Variants in LINGO2 observed in about 807,000 individuals in gnomAD.
The protein encoded by LINGO2 is leucine rich repeat and Ig domain containing 2.
In LINGO2, 14 loss-of-function variants were observed where a neutral mutation model predicts 30.6. That is an observed-to-expected ratio of 0.46 (90% CI 0.30 to 0.72). LINGO2 has a LOEUF of 0.72. Among genes scored for constraint, LINGO2 ranks in the 30% least tolerant of loss-of-function variants. LINGO2 has a pLI of 0.07. For synonymous variants in LINGO2, 317 were observed against 288.5 expected (o/e 1.10, Z -1.00); for missense variants, 729 against 751.7 (o/e 0.97, Z 0.35).
chr9:29,094,960 C>T, the LINGO2 span, among the ~76,000 whole-genome samples: 1 of 137,406 alleles, frequency 7.3e-6, no homozygotes, highest in African/African-American at 2.7e-5. Context: ...GAAATTCATA[C>T]ATTTTCATTA....
intron 5 of LINGO2, among the ~76,000 whole-genome samples, chr9:28,004,208 A>G (rs1197922): frequency 0.51 from 77,295 of 151,966 alleles, 20,899 homozygotes; most frequent in Non-Finnish European, 0.59. Flanking sequence ...TATAATAACA[A>G]TTAATCATTT....
intron 1 of LINGO2, among the ~76,000 whole-genome samples, chr9:28,484,816 G>A (rs1215069292): frequency 6.6e-6 from 1 of 152,106 alleles, no homozygotes; most frequent in Non-Finnish European, 1.5e-5. Context: ...GTCTGCTGGT[G>A]TTACAAAGTA....
chr9:29,037,230 A>G, the LINGO2 span, among the ~76,000 whole-genome samples: 1 of 151,656 alleles, frequency 6.6e-6, no homozygotes, highest in Non-Finnish European at 1.5e-5. Flanking sequence ...TAATGATGAG[A>G]CTCCTTAATA....
intron 2 of LINGO2, among the ~76,000 whole-genome samples, chr9:28,379,305 A>G (rs148578785): frequency 5.1e-4 from 77 of 152,168 alleles, no homozygotes; most frequent in African/African-American, 1.1e-3. Context: ...TGTGTGTTTG[A>G]TGGGGCCCTA....
At chr9:28,800,050 G>T in the LINGO2 span, among the ~76,000 whole-genome samples, 7 of 151,892 alleles carry the variant, frequency 4.6e-5, no homozygotes, top group African/African-American at 1.7e-4. Context: ...AAGATTCTAT[G>T]GTATTTGACA....
chr9:28,343,736 T>G (rs571313718), intron 3 of LINGO2, among the ~76,000 whole-genome samples: 64 of 152,202 alleles, frequency 4.2e-4, no homozygotes, highest in African/African-American at 1.1e-3. Context: ...GGGAAAAAAT[T>G]TGGGCCCACC....
intron 4 of LINGO2, among the ~76,000 whole-genome samples, chr9:28,238,969 A>G (rs1821679829): frequency 6.6e-6 from 1 of 152,060 alleles, no homozygotes; most frequent in Non-Finnish European, 1.5e-5. Flanking sequence ...ATTACAATGG[A>G]TGCCACAGAA....
At chr9:28,371,272 C>A (rs1820885258) in intron 3 of LINGO2, among the ~76,000 whole-genome samples, 1 of 152,160 alleles carries the variant, frequency 6.6e-6, no homozygotes, top group Admixed American at 6.5e-5. Context: ...ATAACGAGAA[C>A]ACTAGTGTTT....
chr9:28,531,694 C>T (rs558592319), intron 1 of LINGO2, among the ~76,000 whole-genome samples: 5 of 152,024 alleles, frequency 3.3e-5, no homozygotes, highest in East Asian at 1.9e-4. Flanking sequence ...TTTCCAAATA[C>T]GTATTCACTT....
upstream of LINGO2, among the ~76,000 whole-genome samples, chr9:28,672,323 T>C (rs926124570): frequency 1.3e-5 from 2 of 152,194 alleles, no homozygotes; most frequent in African/African-American, 4.8e-5. Context: ...CAATGCCTGG[T>C]TGTTTTCTAA....
the LINGO2 span, among the ~76,000 whole-genome samples, chr9:29,100,912 A>G: frequency 6.6e-6 from 1 of 152,188 alleles, no homozygotes; most frequent in Non-Finnish European, 1.5e-5. Context: ...GAAACTGCGG[A>G]GAAAAAAAGG....
the LINGO2 span, among the ~76,000 whole-genome samples, chr9:29,071,730 G>C: frequency 0.17 from 24,962 of 151,134 alleles, 2,180 homozygotes; most frequent in East Asian, 0.34. Context: ...ATATTGGAGA[G>C]ATGGACATCA....
At chr9:29,158,497 G>A in the LINGO2 span, among the ~76,000 whole-genome samples, 15 of 152,194 alleles carry the variant, frequency 9.9e-5, no homozygotes, top group South Asian at 3.1e-3. Context: ...TGGAGAAAAG[G>A]TCTGAGTAGA....
At chr9:28,730,010 G>A in the LINGO2 span, among the ~76,000 whole-genome samples, 1 of 151,942 alleles carries the variant, frequency 6.6e-6, no homozygotes, top group African/African-American at 2.4e-5. Flanking sequence ...AATAGCAACA[G>A]TAGATGTAGA....
Position 28,114,123 on chromosome 9 carries a change from G to T in LINGO2, c.-86-101718C>A, listed in dbSNP as rs1452630362. Among the ~76,000 whole-genome samples the T allele has an allele frequency of 2.0e-3, 123 of 60,984 alleles. 31 individuals are homozygous for T. The South Asian group carries it at 0.083, about 41-fold the overall frequency. The allele number at this position is 60,984 out of a possible 152,430, so 40.0% of individuals were successfully genotyped here. A position where few individuals can be genotyped will look rare whatever the true frequency, so the allele number is the denominator to read the frequency against. On this transcript the variant is annotated intron_variant, in intron 4 of 5. Coordinates refer to ENST00000379992, the Ensembl canonical transcript of LINGO2. ...TTTACTGACAGTTTTTAGCATGAAG[G>T]GTTGTTGAATTTTGTCAAAGGCTTT...
chr9:28,334,550 C>T (rs1173805473), intron 3 of LINGO2, among the ~76,000 whole-genome samples: 1 of 152,060 alleles, frequency 6.6e-6, no homozygotes, highest in Non-Finnish European at 1.5e-5. Context: ...TAATAAGGCA[C>T]TCAGAACAAT....
the LINGO2 span, among the ~76,000 whole-genome samples, chr9:28,733,498 T>A: frequency 6.6e-6 from 1 of 152,158 alleles, no homozygotes; most frequent in African/African-American, 2.4e-5. Context: ...TCCCTAGTCA[T>A]CCTTCTGTAA....
chr9:28,666,252 C>T (rs1563903032), intron 1 of LINGO2, among the ~76,000 whole-genome samples: 2 of 151,984 alleles, frequency 1.3e-5, no homozygotes, highest in East Asian at 3.9e-4. Flanking sequence ...TTGGTAACTT[C>T]TCAGAAGCTG....
chr9:29,059,722 G>A, the LINGO2 span, among the ~76,000 whole-genome samples: 6 of 152,068 alleles, frequency 3.9e-5, no homozygotes, highest in African/African-American at 9.6e-5. Flanking sequence ...TCAGCCTGAC[G>A]TTATCATAAT....
Sources: gnomAD v4.1 joint callset for allele counts (sites outside exome capture counted in the v4.1 genomes callset) on GRCh38, gnomAD v4.1.1 for gene constraint, MANE v1.5 for transcripts, NCBI Gene and HGNC (gene_info 2026-07-23, HGNC 2026-07-21) for gene names.